Variants in ZNF846 observed in about 807,000 individuals in gnomAD.
ZNF846 encodes the protein zinc finger protein 420 pseudogene.
Under a neutral mutation model 16.0 loss-of-function variants are expected in ZNF846, and 15 were observed. That is an observed-to-expected ratio of 0.94 (90% CI 0.63 to 1.45). The LOEUF (loss-of-function observed/expected upper bound fraction) is 1.45. Among genes scored for constraint, ZNF846 ranks in the 40% most tolerant of loss-of-function variants. ZNF846 has a pLI of 0.00. For synonymous variants in ZNF846, 229 were observed against 212.0 expected (o/e 1.08, Z -0.70); for missense variants, 714 against 622.3 (o/e 1.15, Z -1.57).
chr19:9,766,559 ACCAAGT>A (rs2045318961), intron 1 of ZNF846, among the ~76,000 whole-genome samples: 1 of 152,018 alleles, frequency 6.6e-6, no homozygotes, highest in Non-Finnish European at 1.5e-5. Context: ...ATGTTGCATC[ACCAAGT>A]CCATATTTAG....
chr19:9,759,904 G>T (rs2045195745), exon 5 of ZNF846: 4 of 1,613,142 alleles, frequency 2.5e-6, no homozygotes, highest in Non-Finnish European at 3.4e-6. Context: ...ATATCTTGCA[G>T]CAGTGGGGAG....
intron 1 of ZNF846, chr19:9,774,506 AG>A: frequency 9.2e-7 from 1 of 1,085,386 alleles, no homozygotes; most frequent in South Asian, 1.3e-5. Flanking sequence ...GATGGCGGCC[AG>A]CAGGAGGCTG....
chr19:9,766,305 T>C (rs1323766816), intron 1 of ZNF846, among the ~76,000 whole-genome samples: 2 of 150,614 alleles, frequency 1.3e-5, no homozygotes, highest in Non-Finnish European at 2.9e-5. Context: ...TCCCAGCTAC[T>C]CGGGAGGCTA....
chr19:9,765,283 G>A (rs2045296910), intron 1 of ZNF846, among the ~76,000 whole-genome samples: 1 of 152,154 alleles, frequency 6.6e-6, no homozygotes, highest in Non-Finnish European at 1.5e-5. Context: ...GCCGAGGTGG[G>A]GGAATCACTT....
At chr19:9,754,563 TTAA>T (rs1369622823), downstream of ZNF846, among the ~76,000 whole-genome samples, 12 of 83,790 alleles carry the variant, frequency 1.4e-4, no homozygotes, top group South Asian at 1.2e-3. Flanking sequence ...AGACTCTGTC[TTAA>T]AAAAAAAAAA....
chr19:9,748,647 C>G (rs2045062497), downstream of ZNF846, among the ~76,000 whole-genome samples: 1 of 152,100 alleles, frequency 6.6e-6, no homozygotes, highest in Admixed American at 6.6e-5. Flanking sequence ...GTCTATATCT[C>G]TGTTTTGGTA....
chr19:9,785,422 G>C (rs889999947), intron 1 of ZNF846, among the ~76,000 whole-genome samples: 1 of 151,492 alleles, frequency 6.6e-6, no homozygotes, highest in African/African-American at 2.4e-5. Flanking sequence ...GGTCTTAATC[G>C]ATTGCCCTCG....
upstream of ZNF846, among the ~76,000 whole-genome samples, chr19:9,770,696 G>T (rs566177033): frequency 6.6e-6 from 1 of 151,468 alleles, no homozygotes; most frequent in Non-Finnish European, 1.5e-5. Context: ...GGTGAAACAC[G>T]GTCTCTACTA....
At position 9,758,045 on chromosome 19, in the gene ZNF846, TC is replaced by T. The variant is rs764658201; in HGVS notation, c.1031del (p.Gly344GlufsTer14). On this transcript the variant is annotated frameshift_variant, in exon 6 of 6. Coordinates refer to ENST00000397902, the Ensembl canonical transcript of ZNF846. LOFTEE classifies it low-confidence loss of function (END_TRUNC). ...GGTATGAGGAATGAATAAAAGCTTT[TC>T]CACACTCCTTACATTCATATGGCTT... 2 of 1,612,662 alleles carry T rather than the reference TC, an allele frequency of 1.2e-6. No homozygotes were observed. The highest frequency in any genetic ancestry group is 1.7e-6 in the Non-Finnish European group (2 of 1,179,750).
rs200420689 is a variant in ZNF846, at chr19:9,759,859, C to A, written c.312+1G>T. On this transcript the variant is annotated splice_donor_variant, in intron 5 of 5. Coordinates refer to ENST00000397902, the Ensembl canonical transcript of ZNF846. LOFTEE classifies it high-confidence loss of function. ...AAGATTTCATCCCTTGGAAATCTTA[C>A]CAATTGTACTCCATTTGGTGATCTT... The A allele has an allele frequency of 4.5e-5, 73 of 1,609,478 alleles. 5 individuals are homozygous for A. In the African/African-American group the frequency reaches 8.9e-4, roughly 20 times the overall value.
At chr19:9,779,259 A>AATTT (rs1032733071) in intron 1 of ZNF846, among the ~76,000 whole-genome samples, 46 of 151,966 alleles carry the variant, frequency 3.0e-4, no homozygotes, top group South Asian at 8.3e-4. Context: ...GAATAAAAGG[A>AATTT]ATTTATTTAT....
At chr19:9,760,822 G>A (rs1018448590) in intron 4 of ZNF846, among the ~76,000 whole-genome samples, 3 of 151,664 alleles carry the variant, frequency 2.0e-5, no homozygotes, top group Admixed American at 2.0e-4. Context: ...TCCGTAGAGA[G>A]AGAAAGCAAA....
chr19:9,759,836 G>A (rs1448954700), intron 5 of ZNF846, 24 bp downstream of exon 5: 12 of 1,575,740 alleles, frequency 7.6e-6, no homozygotes, highest in Middle Eastern at 1.7e-4. Flanking sequence ...TAGTGTGGAA[G>A]ATTTCATCCC....
exon 2 of ZNF846, chr19:9,765,014 A>C: frequency 6.3e-7 from 1 of 1,581,732 alleles, no homozygotes; most frequent in Non-Finnish European, 8.7e-7. Context: ...ATGAAGACAG[A>C]AAGTGTCCTG....
chr19:9,785,196 C>T (rs918513148), intron 1 of ZNF846, among the ~76,000 whole-genome samples: 1 of 148,880 alleles, frequency 6.7e-6, no homozygotes, highest in Non-Finnish European at 1.5e-5. Context: ...CCCCCTTCAC[C>T]GAGATTTTTT....
chr19:9,779,454 G>C (rs1016432916), intron 1 of ZNF846, among the ~76,000 whole-genome samples: 3 of 151,920 alleles, frequency 2.0e-5, no homozygotes, highest in Non-Finnish European at 4.4e-5. Flanking sequence ...TTTTAGTAGA[G>C]ACAGGGTTTC....
chr19:9,757,924 T>C lies in ZNF846; in HGVS notation c.1153A>G (p.Met385Val), dbSNP rs146277439. 297 of 1,613,646 alleles carry C rather than the reference T, an allele frequency of 1.8e-4. 2 individuals carry two copies. Among genetic ancestry groups the C allele is most frequent in the Admixed American group, 1.7e-3 (100 of 60,012 alleles). The change falls in exon 6 of 6, where the codon ATG becomes GTG. Residue 385 changes from methionine (M) to valine (V), a missense_variant. Physicochemically the swap from Met to Val is conservative, Grantham distance 21 (BLOSUM62 1). Transcript: ENST00000397902. ...GGCTTTTCTCCAGTATGTGTTCTCA[T>C]GTGTAAAACAAGTCCTGAGGAACGA... is the stretch of plus-strand genomic sequence containing the variant.
At chr19:9,782,391 C>T (rs1466309485) in intron 1 of ZNF846, among the ~76,000 whole-genome samples, 6 of 151,972 alleles carry the variant, frequency 3.9e-5, no homozygotes, top group South Asian at 2.1e-4. Context: ...CAGCCTCCCA[C>T]GTAGCTGGAA....
At chr19:9,775,802 G>A (rs898446757) in intron 1 of ZNF846, among the ~76,000 whole-genome samples, 4 of 152,172 alleles carry the variant, frequency 2.6e-5, no homozygotes, top group South Asian at 2.1e-4. Flanking sequence ...GCAAGAGACC[G>A]AGGACACGAG....
Sources: allele counts gnomAD v4.1 joint callset (sites outside exome capture counted in the v4.1 genomes callset), GRCh38; gene constraint gnomAD v4.1.1; transcripts MANE v1.5; gene names NCBI Gene and HGNC (gene_info 2026-07-23, HGNC 2026-07-21).